The following KRT74 variants were observed in gnomAD, a reference collection of about 807,000 sequenced individuals.
KRT74 encodes the protein keratin 74.
Under a neutral mutation model 42.7 loss-of-function variants are expected in KRT74, and 43 were observed. That is an observed-to-expected ratio of 1.01 (90% CI 0.79 to 1.30). KRT74 has a LOEUF of 1.30. KRT74 is among the 50% of genes most tolerant of loss of function. The probability of loss-of-function intolerance (pLI) is 0.00; values close to 1 mark genes in which losing one functional copy is unlikely to be tolerated. For missense variants in KRT74, 736 were observed against 689.1 expected (o/e 1.07, Z -0.76); for synonymous variants, 302 against 279.0 (o/e 1.08, Z -0.82).
Position 52,569,559 on chromosome 12 carries a change from C to A in KRT74, c.1134+300G>T. 6.7e-6 allele frequency: 4 copies of A among 600,384 alleles called. No individual in the cohort carries two copies. In the Admixed American group the frequency reaches 1.2e-4, roughly 18 times the overall value. The allele number at this position is 600,384 out of a possible 1,614,324, so 37.2% of individuals were successfully genotyped here. ...GCAGAAGGGGAACCTGGGTTCTAATCCTAGCTCCATTCATTACCAGCTGGG... is the reference window on the plus strand; with the variant it reads ...GCAGAAGGGGAACCTGGGTTCTAATACTAGCTCCATTCATTACCAGCTGGG... On this transcript the variant is annotated intron_variant, in intron 6 of 8. Coordinates refer to ENST00000305620, the MANE Select transcript of KRT74 (RefSeq NM_175053.4).
At chr12:52,567,637 G>A in intron 8 of KRT74, 22 bp downstream of exon 8, 3 of 1,592,334 alleles carry the variant, frequency 1.9e-6, no homozygotes, top group Non-Finnish European at 2.6e-6. Context: ...CCCAACCCAA[G>A]GCATCTCTCA....
chr12:52,570,885 G>GC, intron 4 of KRT74, 52 bp from the exon 5 acceptor site: 1 of 1,605,108 alleles, frequency 6.2e-7, no homozygotes, highest in Non-Finnish European at 8.5e-7. Context: ...TCCCTCTTCT[G>GC]CCCCATCAGT....
chr12:52,570,069 C>T, intron 5 of KRT74, 85 bp from the exon 6 acceptor site: 1 of 1,494,756 alleles, frequency 6.7e-7, no homozygotes, highest in Admixed American at 1.7e-5. Flanking sequence ...GCCACCCTGG[C>T]TGTCGGTGGG....
intron 1 of KRT74, 22 bp from the exon 2 acceptor site, chr12:52,572,689 A>G: frequency 6.2e-7 from 1 of 1,606,922 alleles, no homozygotes; most frequent in Non-Finnish European, 8.5e-7. Context: ...ATCAACAGAC[A>G]CCTGGAACCA....
rs1939501250 is a variant in KRT74, at chr12:52,572,437, G to C, written c.686+16C>G. ...CGGGAAACATGGTCTGTGACCCTCGGGTGGAGCCTGCTCACCTCTTCTTAT... is the reference window on the plus strand; with the variant it reads ...CGGGAAACATGGTCTGTGACCCTCGCGTGGAGCCTGCTCACCTCTTCTTAT... On this transcript the variant is annotated intron_variant, in intron 2 of 8. Transcript: ENST00000305620. 6.2e-7 allele frequency: 1 copy of C among 1,613,522 alleles called. No homozygotes were observed. Among genetic ancestry groups the C allele is most frequent in the South Asian group, 1.1e-5 (1 of 91,064 alleles).
rs1454757648 is a variant in KRT74, at chr12:52,567,642, C to G, written c.1390+17G>C. On this transcript the variant is annotated intron_variant, in intron 8 of 8. Coordinates refer to ENST00000305620, the MANE Select transcript of KRT74 (RefSeq NM_175053.4). ...CCCTGGCTTTCCCAACCCAAGGCAT[C>G]TCTCAAGAATACTCACAGATGCTCA... is the stretch of plus-strand genomic sequence containing the variant. 4 of 1,601,940 alleles carry G rather than the reference C, an allele frequency of 2.5e-6. No homozygotes were observed. The highest frequency in any genetic ancestry group is 3.4e-6 in the Non-Finnish European group (4 of 1,169,154).
rs746043923 is a variant in KRT74 at position 52,570,662 on chromosome 12, T to G, written c.1008+7A>C. 1.9e-6 allele frequency: 3 copies of G among 1,614,128 alleles called. No homozygotes were observed. The East Asian group carries it at 6.7e-5, about 36-fold the overall frequency. ...CTGCTGTGGGAGGAGACCCATTCGG[T>G]GACCACCTTGGTCTGGTACAGGGCC... On this transcript the variant is annotated splice_region_variant and intron_variant, in intron 5 of 8. Coordinates refer to ENST00000305620, the MANE Select transcript of KRT74 (RefSeq NM_175053.4).
In KRT74 at chr12:52,573,758, A is replaced by C. The variant is rs367918103; in HGVS notation, c.20T>G (p.Ile7Ser). The change falls in exon 1 of 9, where the codon ATC becomes AGC. Residue 7 changes from isoleucine (I) to serine (S), a missense_variant. Transcript: ENST00000305620. The stretch of plus-strand genomic sequence containing the variant: ...GTTGCCCTTGTCACCACTGGACTTG[A>C]TGTTCAGTTGCCGACTCATGGTGGG... The part of the protein sequence containing the change: MSRQLN[I>S]KSSGDKGNFS... The C allele has an allele frequency of 3.8e-5, 61 of 1,613,684 alleles. No homozygotes were observed. The highest frequency in any genetic ancestry group is 1.6e-4 in the Middle Eastern group (1 of 6,082).
intron 3 of KRT74, 124 bp from the exon 4 acceptor site, chr12:52,571,578 T>C (rs1939483720): frequency 1.3e-6 from 1 of 744,210 alleles, no homozygotes; most frequent in African/African-American, 1.7e-5. Context: ...TCACTCAATA[T>C]CAATTTCTTC....
At chr12:52,570,876 C>T (rs1939467753) in intron 4 of KRT74, 43 bp from the exon 5 acceptor site, 30 of 1,610,946 alleles carry the variant, frequency 1.9e-5, no homozygotes, top group Non-Finnish European at 2.5e-5. Context: ...CCCCTGGCTT[C>T]CCTCTTCTGC....
rs1450125208 is a variant in KRT74 at position 52,569,154 on chromosome 12, AC to A, written c.1134+704del. ...GTCAATTCTATCACTAGCAGAGCAG[AC>A]CTGGTTCTCAGAGAGGTCACAGGAA... On this transcript the variant is annotated intron_variant, in intron 6 of 8. Transcript: ENST00000305620. 1.8e-4 allele frequency among the ~76,000 whole-genome samples: 28 copies of A among 152,216 alleles called. No individual in the cohort carries two copies. The Middle Eastern group carries it at 0.017, about 92-fold the overall frequency.
chr12:52,573,184 T>A, intron 1 of KRT74, 123 bp downstream of exon 1: 1 of 928,612 alleles, frequency 1.1e-6, no homozygotes, highest in Non-Finnish European at 1.8e-6. Context: ...TCCCTAATGG[T>A]GAGGAAGCCC....
chr12:52,573,340 C>G lies in KRT74; in HGVS notation c.438G>C (p.Val146=). The change falls in exon 1 of 9, where the codon GTG becomes GTC. Residue 146 remains valine, a synonymous_variant. Transcript: ENST00000305620. ...TGAAGGAGGCGAACTTGTCGTTCAG[C>G]ACCTTGATCTGTTCCCGCTCCTGGG... ...VRAQEREQIK[V]LNDKFASFID... 6.2e-7 allele frequency: 1 copy of G among 1,614,216 alleles called. No individual in the cohort carries two copies.
Position 52,569,913 on chromosome 12 carries a change from C to T in KRT74, c.1080G>A (p.Glu360=). 2 of 1,614,226 alleles carry T rather than the reference C, an allele frequency of 1.2e-6. No individual in the cohort carries two copies. The highest frequency in any genetic ancestry group is 2.2e-5 in the South Asian group (2 of 91,082). ...DLKHTRSEMV[E]LNRLIQRIRC... ...GGATCCTCTGGATGAGCCGGTTCAGCTCCACCATCTCGCTCCTGGTGTGTT... is the reference window on the plus strand; with the variant it reads ...GGATCCTCTGGATGAGCCGGTTCAGTTCCACCATCTCGCTCCTGGTGTGTT... The change falls in exon 6 of 9, where the codon GAG becomes GAA. Residue 360 remains glutamate (E), a synonymous_variant. Coordinates refer to ENST00000305620, the MANE Select transcript of KRT74 (RefSeq NM_175053.4).
Position 52,568,595 on chromosome 12 carries a change from G to A in KRT74, c.1135-206C>T, listed in dbSNP as rs1247247799. 7.9e-6 allele frequency: 5 copies of A among 635,572 alleles called. No homozygotes were observed. The African/African-American group carries it at 9.2e-5, about 12-fold the overall frequency. 39.4% of individuals were successfully genotyped at this position (635,572 alleles called of 1,614,324 possible). A position where few individuals can be genotyped will look rare whatever the true frequency, so the allele number is the denominator to read the frequency against. On this transcript the variant is annotated intron_variant, in intron 6 of 8. Coordinates refer to ENST00000305620, the MANE Select transcript of KRT74 (RefSeq NM_175053.4). ...GTTATCACATGAAGCTGTGGAAGCA[G>A]TTGCATTTCAGGAGGTCAGGAAGAA...
At position 52,570,660 on chromosome 12, in the gene KRT74, G is replaced by T. The variant is rs201326779; in HGVS notation, c.1008+9C>A. 1.2e-6 allele frequency: 2 copies of T among 1,614,206 alleles called. No individual in the cohort carries two copies. The highest frequency in any genetic ancestry group is 4.5e-5 in the East Asian group (2 of 44,884). Reference sequence around the variant, plus strand: ...GGCTGCTGTGGGAGGAGACCCATTCGGTGACCACCTTGGTCTGGTACAGGG... The same window carrying T: ...GGCTGCTGTGGGAGGAGACCCATTCTGTGACCACCTTGGTCTGGTACAGGG... On this transcript the variant is annotated intron_variant, in intron 5 of 8. Transcript: ENST00000305620.
In KRT74 at chr12:52,573,507, C is replaced by T; in HGVS notation, c.271G>A (p.Gly91Ser). ...YGGGRASGFA[G>S]SMFGSVALGP... ...AGGGCCACACTGCCAAACATACTGC[C>T]AGCAAAGCCACTGGCCCGGCCCCCT... The change falls in exon 1 of 9, where the codon GGC (glycine) becomes AGC (serine). Residue 91 changes from glycine to serine, a missense_variant. Gly to Ser is a moderately conservative substitution (Grantham distance 56). Coordinates refer to ENST00000305620, the MANE Select transcript of KRT74 (RefSeq NM_175053.4). The T allele has an allele frequency of 6.2e-7, 1 of 1,614,172 alleles. No homozygotes were observed. The highest frequency in any genetic ancestry group is 1.1e-5 in the South Asian group (1 of 91,090).
At chr12:52,572,852 G>A (rs1396932761) in intron 1 of KRT74, among the ~76,000 whole-genome samples, 185 bp from the exon 2 acceptor site, 1 of 152,102 alleles carries the variant, frequency 6.6e-6, no homozygotes, top group Non-Finnish European at 1.5e-5. Context: ...CTAGCCTTCT[G>A]GACAAGGCAT....
In KRT74 at chr12:52,573,348, T is replaced by G. The variant is rs780834699; in HGVS notation, c.430A>C (p.Ile144Leu). 1.9e-6 allele frequency: 3 copies of G among 1,614,096 alleles called. No homozygotes were observed. In the Admixed American group the frequency reaches 5.0e-5, roughly 27 times the overall value. The change falls in exon 1 of 9, where the codon ATC becomes CTC. Residue 144 changes from isoleucine (I) to leucine (L), a missense_variant. Transcript: ENST00000305620. ...GCGAACTTGTCGTTCAGCACCTTGA[T>G]CTGTTCCCGCTCCTGGGCGCGCACC... The part of the protein sequence containing the change: ...QKVRAQEREQ[I>L]KVLNDKFASF...
Sources: gnomAD v4.1 joint callset for allele counts (sites outside exome capture counted in the v4.1 genomes callset) on GRCh38, gnomAD v4.1.1 for gene constraint, MANE v1.5 for transcripts, NCBI Gene and HGNC (gene_info 2026-07-23, HGNC 2026-07-21) for gene names.